The following MMP28 variants were observed in gnomAD, a reference collection of about 807,000 sequenced individuals.
The protein encoded by MMP28 is matrix metalloproteinase-28.
MMP28 carries 55 observed loss-of-function variants against 60.5 expected under a neutral mutation model. The observed-to-expected ratio is 0.91, with a 90% CI of 0.73 to 1.14. The LOEUF (loss-of-function observed/expected upper bound fraction) is 1.14. MMP28 is among the 50% of genes most tolerant of loss of function. MMP28 has a pLI of 0.00. For missense variants in MMP28, 686 were observed against 738.3 expected (o/e 0.93, Z 0.82); for synonymous variants, 318 against 312.5 (o/e 1.02, Z -0.18).
At position 35,778,869 on chromosome 17, in the gene MMP28, G is replaced by T. The variant is rs368124340; in HGVS notation, c.379+19C>A. ...GACATTGGGAAATCTTGGCCTAGCC[G>T]GATTTTAACAGTGCTCACCTTGCTT... On this transcript the variant is annotated intron_variant, in intron 3 of 7. Transcript: ENST00000605424. 6.2e-7 allele frequency: 1 copy of T among 1,614,008 alleles called. No individual in the cohort carries two copies. Among genetic ancestry groups the T allele is most frequent in the South Asian group, 1.1e-5 (1 of 91,086 alleles).
intron 4 of MMP28, 108 bp from the exon 5 acceptor site, chr17:35,770,420 T>C (rs1241911758): frequency 6.6e-6 from 9 of 1,356,558 alleles, no homozygotes; most frequent in Non-Finnish European, 7.7e-6. Flanking sequence ...CTCTGCTGTA[T>C]AGTTTCCCTC....
chr17:35,780,792 G>C (rs376137848), intron 1 of MMP28, among the ~76,000 whole-genome samples: 1 of 151,208 alleles, frequency 6.6e-6, no homozygotes, highest in African/African-American at 2.4e-5. Context: ...CCGAGATCAC[G>C]CAGCTGCACT....
rs2085939478 is a variant in MMP28, at chr17:35,766,450, C to T, written c.*50G>A. On this transcript the variant is annotated 3_prime_UTR_variant, in exon 8 of 8. Transcript: ENST00000605424. This position sits in a 1 kb window ranked among gnomAD's most constrained non-coding sequence, Gnocchi z 4.3. ...GGGGTTCTGCCCCGGGGGTGGGGAACATGATTTTGCCCTGAGAGCACCACC... is the reference window on the plus strand; with the variant it reads ...GGGGTTCTGCCCCGGGGGTGGGGAATATGATTTTGCCCTGAGAGCACCACC... The T allele has an allele frequency of 6.6e-7, 1 of 1,506,530 alleles. No individual in the cohort carries two copies. The highest frequency in any genetic ancestry group is 8.9e-7 in the Non-Finnish European group (1 of 1,127,364). 93.3% of individuals were successfully genotyped at this position (1,506,530 alleles called of 1,614,324 possible).
downstream of MMP28, chr17:35,764,106 A>G: frequency 1.9e-6 from 3 of 1,550,312 alleles, no homozygotes; most frequent in Admixed American, 2.0e-5. Flanking sequence ...GAGGACGAGG[A>G]CAACCAGAGG....
chr17:35,759,698 G>A (rs1461090960), intron 2 of MMP28, among the ~76,000 whole-genome samples: 4 of 151,732 alleles, frequency 2.6e-5, no homozygotes, highest in African/African-American at 7.3e-5. Context: ...GACTCTGTCC[G>A]CTACCCCCCA....
intron 3 of MMP28, among the ~76,000 whole-genome samples, chr17:35,773,963 C>T (rs2086248695): frequency 6.6e-6 from 1 of 152,212 alleles, no homozygotes. Flanking sequence ...GGCCTATGGC[C>T]AGCCAACAAC....
At chr17:35,768,689 A>T (rs1266616073) in intron 5 of MMP28, among the ~76,000 whole-genome samples, 2 of 152,196 alleles carry the variant, frequency 1.3e-5, no homozygotes, top group East Asian at 1.9e-4. Context: ...GCACACGTGT[A>T]GTCCCAGCTA....
At position 35,770,218 on chromosome 17, in the gene MMP28, G is replaced by T. The variant is rs1555605014; in HGVS notation, c.699C>A (p.Asn233Lys). The change falls in exon 5 of 8, where the codon AAC becomes AAA. Residue 233 changes from asparagine (N) to lysine (K), a missense_variant. Asn to Lys is a moderately conservative substitution (Grantham distance 94). Coordinates refer to ENST00000605424, the MANE Select transcript of MMP28 (RefSeq NM_024302.5). ...TCTCGTGCGCCAGCACCACGAACAG[G>T]TTGCGCCCGCGGCGGCGGCTCAGGG... ...RWSLSRRRGRNLFVVLAHEIG... is the reference protein window; with the variant it reads ...RWSLSRRRGRKLFVVLAHEIG... 1 of 1,599,782 alleles carries T rather than the reference G, an allele frequency of 6.3e-7. No homozygotes were observed.
intron 1 of MMP28, among the ~76,000 whole-genome samples, chr17:35,790,143 T>C (rs1425384236): frequency 2.1e-5 from 3 of 143,314 alleles, no homozygotes; most frequent in East Asian, 2.2e-4. Flanking sequence ...CTCGGCTCAC[T>C]GCAACCTCCG....
intron 6 of MMP28, 33 bp downstream of exon 6, chr17:35,768,197 G>C (rs995134825): frequency 1.3e-6 from 2 of 1,568,344 alleles, no homozygotes; most frequent in African/African-American, 2.7e-5. Context: ...TGGAAGGAGA[G>C]AAAGAAGCAA....
chr17:35,759,401 T>C (rs1555601049), intron 2 of MMP28, among the ~76,000 whole-genome samples: 1 of 152,132 alleles, frequency 6.6e-6, no homozygotes. Context: ...CTACCAATTA[T>C]AAAAGATTCA....
chr17:35,781,044 G>C (rs112757359), intron 1 of MMP28, among the ~76,000 whole-genome samples: 55 of 152,210 alleles, frequency 3.6e-4, no homozygotes, highest in African/African-American at 1.3e-3. Flanking sequence ...TCCAGACAGA[G>C]GAAACAGCAA....
intron 2 of MMP28, among the ~76,000 whole-genome samples, chr17:35,758,478 G>A (rs1362844709): frequency 6.6e-6 from 1 of 152,126 alleles, no homozygotes; most frequent in African/African-American, 2.4e-5. Flanking sequence ...GATCACTTGA[G>A]GTCAGGAGTT....
chr17:35,791,926 G>A (rs1041265504), intron 1 of MMP28, among the ~76,000 whole-genome samples: 4 of 151,988 alleles, frequency 2.6e-5, no homozygotes, highest in African/African-American at 7.3e-5. Context: ...CCTCTGTGAC[G>A]CACCCCTCCA....
chr17:35,766,459 G>T lies in MMP28; in HGVS notation c.*41C>A, dbSNP rs759136358. 7.0e-5 allele frequency: 107 copies of T among 1,524,564 alleles called. No individual in the cohort carries two copies. Among genetic ancestry groups the T allele is most frequent in the Non-Finnish European group, 8.2e-5 (93 of 1,135,922 alleles). 94.4% of individuals were successfully genotyped at this position (1,524,564 alleles called of 1,614,324 possible). ...CCCCGGGGGTGGGGAACATGATTTTGCCCTGAGAGCACCACCAGTTTCTGA... is the reference window on the plus strand; with the variant it reads ...CCCCGGGGGTGGGGAACATGATTTTTCCCTGAGAGCACCACCAGTTTCTGA... On this transcript the variant is annotated 3_prime_UTR_variant, in exon 8 of 8. Transcript: ENST00000605424. This position sits in a 1 kb window ranked among gnomAD's most constrained non-coding sequence, Gnocchi z 4.3.
intron 6 of MMP28, 138 bp downstream of exon 6, chr17:35,768,092 G>A: frequency 7.7e-7 from 1 of 1,295,122 alleles, no homozygotes; most frequent in Non-Finnish European, 1.1e-6. Flanking sequence ...CTGGGTGTGG[G>A]GTTGCTACCT....
rs1400740142 is a variant in MMP28, at chr17:35,789,955, T to C, written c.111+5312A>G. Among the ~76,000 whole-genome samples, 5 of 151,722 alleles carry C rather than the reference T, an allele frequency of 3.3e-5. No homozygotes were observed. The East Asian group carries it at 9.6e-4, about 29-fold the overall frequency. On this transcript the variant is annotated intron_variant, in intron 1 of 7. Coordinates refer to ENST00000605424, the MANE Select transcript of MMP28 (RefSeq NM_024302.5). Reference sequence around the variant, plus strand: ...TTTTGTATTTTTAGTAGAGACGGGGTTTCACAATGTTGGCCAGGCTAGTCT... The same window carrying C: ...TTTTGTATTTTTAGTAGAGACGGGGCTTCACAATGTTGGCCAGGCTAGTCT...
At chr17:35,776,665 C>T (rs1417228221) in intron 3 of MMP28, among the ~76,000 whole-genome samples, 1 of 151,970 alleles carries the variant, frequency 6.6e-6, no homozygotes, top group East Asian at 1.9e-4. Context: ...GGTGGGCGAT[C>T]ACCTAAGGTC....
intron 1 of MMP28, among the ~76,000 whole-genome samples, chr17:35,785,519 T>C (rs1007618400): frequency 2.6e-5 from 4 of 151,972 alleles, no homozygotes; most frequent in African/African-American, 9.7e-5. Flanking sequence ...GAGATCTCAG[T>C]TCACTACAAG....
Sources: gnomAD v4.1 joint callset for allele counts (sites outside exome capture counted in the v4.1 genomes callset) on GRCh38, gnomAD v4.1.1 for gene constraint, Gnocchi (gnomAD v3.1) non-coding constraint, MANE v1.5 for transcripts, NCBI Gene and HGNC (gene_info 2026-07-23, HGNC 2026-07-21) for gene names.